The following DPP4 variants were observed in gnomAD, a reference collection of about 807,000 sequenced individuals.
The protein encoded by DPP4 is ADCP-2.
In DPP4, 93 loss-of-function variants were observed where a neutral mutation model predicts 122.4. The observed-to-expected ratio is 0.76, with a 90% confidence interval of 0.64 to 0.90. The LOEUF (loss-of-function observed/expected upper bound fraction) is 0.90, where lower values mean the gene tolerates loss of function less well. DPP4 is among the 40% of genes least tolerant of loss of function. The pLI, the probability that DPP4 is intolerant of heterozygous loss-of-function variation, is 0.00. For missense variants in DPP4, 914 were observed against 907.3 expected (o/e 1.01, Z -0.09); for synonymous variants, 321 against 302.9 (o/e 1.06, Z -0.62).
At chr2:162,024,712 A>G in intron 11 of DPP4, 92 bp downstream of exon 11, 10 of 1,490,342 alleles carry the variant, frequency 6.7e-6, no homozygotes, top group Non-Finnish European at 9.0e-6. Context: ...CTCAAACTTC[A>G]TTTCCTGATT....
chr2:162,061,302 C>T (rs1314831046), intron 2 of DPP4, among the ~76,000 whole-genome samples: 1 of 152,198 alleles, frequency 6.6e-6, no homozygotes, highest in African/African-American at 2.4e-5. Flanking sequence ...GATCCTGCTG[C>T]ATCCCCAAGC....
In DPP4 at chr2:161,995,407, A is replaced by C. The variant is rs775371033; in HGVS notation, c.2053-35T>G. The C allele has an allele frequency of 4.4e-6, 7 of 1,578,950 alleles. No individual in the cohort carries two copies. The East Asian group carries it at 1.6e-4, about 35-fold the overall frequency. On this transcript the variant is annotated intron_variant, in intron 23 of 25. Transcript: ENST00000360534. Reference sequence around the variant, plus strand: ...GGAGAAAGAATGTCATTATTCAAAAAAGGATCTGCCATAAACTGATTTTTC... The same window carrying C: ...GGAGAAAGAATGTCATTATTCAAAACAGGATCTGCCATAAACTGATTTTTC...
chr2:162,033,168 A>T (rs1006547690), intron 10 of DPP4, among the ~76,000 whole-genome samples: 5 of 152,088 alleles, frequency 3.3e-5, no homozygotes, highest in African/African-American at 4.8e-5. Flanking sequence ...ATCCATGAGG[A>T]TTCCCTGACC....
chr2:162,013,562 G>A (rs1165702660), intron 19 of DPP4, among the ~76,000 whole-genome samples: 2 of 151,854 alleles, frequency 1.3e-5, no homozygotes, highest in Admixed American at 1.3e-4. Context: ...GAGACATTAT[G>A]TCCCTGACCT....
At chr2:162,055,891 C>T (rs909799595) in intron 2 of DPP4, among the ~76,000 whole-genome samples, 1 of 152,134 alleles carries the variant, frequency 6.6e-6, no homozygotes, top group Admixed American at 6.5e-5. Flanking sequence ...TTTAGTTCCC[C>T]CTCCTCCTAT....
chr2:162,005,954 A>T (rs1701274282), intron 22 of DPP4, 145 bp from the exon 23 acceptor site: 2 of 715,792 alleles, frequency 2.8e-6, no homozygotes, highest in Admixed American at 5.4e-5. Flanking sequence ...CTATGTGGTT[A>T]TGAAGAAGGA....
intron 4 of DPP4, among the ~76,000 whole-genome samples, chr2:162,045,973 G>T (rs1178751114): frequency 1.3e-5 from 2 of 152,170 alleles, no homozygotes; most frequent in Non-Finnish European, 1.5e-5. Flanking sequence ...TATAGTTTGT[G>T]GGGGGCGCTG....
chr2:162,007,965 C>T (rs2909447), intron 22 of DPP4, among the ~76,000 whole-genome samples: 4,589 of 152,198 alleles, frequency 0.03, 101 homozygotes, highest in African/African-American at 0.062. Context: ...CTCCTTACCA[C>T]TTCTGAATCC....
chr2:162,016,799 T>G lies in DPP4; in HGVS notation c.1536A>C (p.Lys512Asn). 3 of 1,612,858 alleles carry G rather than the reference T, an allele frequency of 1.9e-6. No homozygotes were observed. The highest frequency in any genetic ancestry group is 2.5e-6 in the Non-Finnish European group (3 of 1,179,696). ...KMLQNVQMPS[K>N]KLDFIILNET... ...CATTCAAAATAATGAAGTCCAGTTTTTTGGAGGGCATCTGGACATTCTGCA... is the reference window on the plus strand; with the variant it reads ...CATTCAAAATAATGAAGTCCAGTTTGTTGGAGGGCATCTGGACATTCTGCA... The change falls in exon 18 of 26, where the codon AAA becomes AAC. Residue 512 changes from lysine (K) to asparagine (N), a missense_variant. Transcript: ENST00000360534.
chr2:161,995,420 A>T (rs764086345), intron 23 of DPP4, 48 bp from the exon 24 acceptor site: 3 of 1,546,030 alleles, frequency 1.9e-6, no homozygotes, highest in Admixed American at 3.4e-5. Flanking sequence ...GATCTGCCAT[A>T]AACTGATTTT....
intron 8 of DPP4, 136 bp from the exon 9 acceptor site, chr2:162,035,460 C>T (rs1277948648): frequency 2.9e-6 from 2 of 689,834 alleles, no homozygotes; most frequent in African/African-American, 3.6e-5. Flanking sequence ...TGCTGGGCTT[C>T]CAAAATCAGA....
intron 19 of DPP4, among the ~76,000 whole-genome samples, chr2:162,012,797 C>T (rs182757162): frequency 1.8e-3 from 277 of 152,108 alleles, no homozygotes; most frequent in African/African-American, 6.4e-3. Context: ...GACATGGATA[C>T]TCTCCAATAA....
chr2:162,054,534 T>C (rs887553498), intron 2 of DPP4, among the ~76,000 whole-genome samples: 1 of 152,176 alleles, frequency 6.6e-6, no homozygotes, highest in Admixed American at 6.5e-5. Context: ...AAATCTTTGT[T>C]GTGATATTAA....
At chr2:162,021,686 C>A (rs1683134217) in intron 12 of DPP4, 1 of 152,184 alleles carries the variant, frequency 6.6e-6, no homozygotes, top group African/African-American at 2.4e-5. Context: ...GTGTTCACAG[C>A]CTTATCTTTT....
At chr2:162,041,611 C>A (rs1442528582) in intron 5 of DPP4, among the ~76,000 whole-genome samples, 2 of 152,054 alleles carry the variant, frequency 1.3e-5, no homozygotes, top group Non-Finnish European at 2.9e-5. Context: ...TTTTGACACA[C>A]CCCATGCTTG....
chr2:162,025,764 C>T (rs1683306372), intron 10 of DPP4, among the ~76,000 whole-genome samples: 2 of 152,136 alleles, frequency 1.3e-5, no homozygotes, highest in South Asian at 2.1e-4. Context: ...TTCACAAATC[C>T]CTGCTCTCGA....
At chr2:162,038,525 G>T in intron 7 of DPP4, 103 bp from the exon 8 acceptor site, 2 of 1,247,238 alleles carry the variant, frequency 1.6e-6, no homozygotes, top group Non-Finnish European at 2.2e-6. Flanking sequence ...GATTACCATA[G>T]TCAAATATTC....
intron 20 of DPP4, 105 bp downstream of exon 20, chr2:162,011,688 C>T: frequency 8.8e-7 from 1 of 1,141,306 alleles, no homozygotes; most frequent in Non-Finnish European, 1.2e-6. Context: ...ATTACAAATT[C>T]ATCCCAGAAC....
At chr2:162,073,751 G>A (rs941670619) in intron 1 of DPP4, among the ~76,000 whole-genome samples, 12 of 152,202 alleles carry the variant, frequency 7.9e-5, no homozygotes, top group Non-Finnish European at 1.5e-4. Context: ...TCTGTGAGTG[G>A]CTCTCCGGGA....
Sources: gnomAD v4.1 joint callset for allele counts (sites outside exome capture counted in the v4.1 genomes callset) on GRCh38, gnomAD v4.1.1 for gene constraint, MANE v1.5 for transcripts, NCBI Gene and HGNC (gene_info 2026-07-23, HGNC 2026-07-21) for gene names.